PAK1: variants seen among roughly 807,000 people sequenced by gnomAD.
The protein encoded by PAK1 is p21 (RAC1) activated kinase 1, also known as serine/threonine-protein kinase PAK 1.
Under a neutral mutation model 67.4 loss-of-function variants are expected in PAK1, and 29 were observed. The observed-to-expected ratio is 0.43, with a 90% CI of 0.32 to 0.59. PAK1 has a LOEUF of 0.59. PAK1 is among the 20% of genes least tolerant of loss of function. The probability of loss-of-function intolerance (pLI) is 0.07; values close to 1 mark genes in which losing one functional copy is unlikely to be tolerated. For missense variants in PAK1, 337 were observed against 670.7 expected, an observed-to-expected ratio of 0.50 and a Z score of 5.50; for synonymous variants, 223 against 237.4, an observed-to-expected ratio of 0.94 and a Z score of 0.56.
intron 1 of PAK1, among the ~76,000 whole-genome samples, chr11:77,436,388 T>C (rs972308762): frequency 3.3e-5 from 5 of 152,222 alleles, no homozygotes; most frequent in Admixed American, 6.5e-5. Context: ...AGCAGCACTA[T>C]GTTGTACAAA....
intron 1 of PAK1, among the ~76,000 whole-genome samples, chr11:77,416,805 T>G (rs1954983404): frequency 6.6e-6 from 1 of 152,018 alleles, no homozygotes; most frequent in South Asian, 2.1e-4. Context: ...TACAAAAAAT[T>G]AGCAGGGCGT....
chr11:77,383,222 G>A (rs893865382), intron 2 of PAK1, among the ~76,000 whole-genome samples: 4 of 152,142 alleles, frequency 2.6e-5, no homozygotes, highest in South Asian at 2.1e-4. Context: ...GATTAGACGC[G>A]GAGTACAAGA....
chr11:77,388,929 T>TA (rs1480734019), intron 2 of PAK1, among the ~76,000 whole-genome samples: 2 of 152,212 alleles, frequency 1.3e-5, no homozygotes, highest in African/African-American at 4.8e-5. Context: ...TATTGAGATG[T>TA]AATTCACTTA....
At chr11:77,363,513 AC>A (rs1273263944) in intron 5 of PAK1, among the ~76,000 whole-genome samples, 1 of 152,084 alleles carries the variant, frequency 6.6e-6, no homozygotes, top group African/African-American at 2.4e-5. Flanking sequence ...TTTCCATTAA[AC>A]CTTCTGTTCC....
At chr11:77,353,701 T>C (rs1945601535) in intron 7 of PAK1, 102 bp from the exon 8 acceptor site, 9 of 859,974 alleles carry the variant, frequency 1.0e-5, no homozygotes, top group Non-Finnish European at 1.8e-5. Flanking sequence ...GTTAAAGAAC[T>C]ACCTCCAATA....
intron 1 of PAK1, among the ~76,000 whole-genome samples, chr11:77,456,496 G>T (rs1474149088): frequency 6.6e-6 from 1 of 152,084 alleles, no homozygotes; most frequent in African/African-American, 2.4e-5. Flanking sequence ...AAGCAGAGAA[G>T]GTCTTTGTTT....
At chr11:77,511,132 A>G in the PAK1 span, among the ~76,000 whole-genome samples, 1 of 152,222 alleles carries the variant, frequency 6.6e-6, no homozygotes, top group Non-Finnish European at 1.5e-5. Context: ...TAATTCACTC[A>G]GTTTCTTTAG....
At chr11:77,509,948 C>G in the PAK1 span, among the ~76,000 whole-genome samples, 12 of 152,198 alleles carry the variant, frequency 7.9e-5, no homozygotes, top group African/African-American at 2.9e-4. Context: ...TATAGCAATG[C>G]ACAAATGGCC....
chr11:77,529,115 A>T, the PAK1 span, among the ~76,000 whole-genome samples: 2 of 152,190 alleles, frequency 1.3e-5, no homozygotes, highest in African/African-American at 4.8e-5. Context: ...CCCGCAAGAC[A>T]GGTATTTTTA....
At chr11:77,404,142 C>T (rs1028267482) in intron 1 of PAK1, among the ~76,000 whole-genome samples, 1 of 152,116 alleles carries the variant, frequency 6.6e-6, no homozygotes, top group Non-Finnish European at 1.5e-5. Context: ...CCTAGTCTGT[C>T]GTATTCTATC....
At chr11:77,465,030 G>A (rs1413038365) in intron 1 of PAK1, among the ~76,000 whole-genome samples, 1 of 151,196 alleles carries the variant, frequency 6.6e-6, no homozygotes, top group Non-Finnish European at 1.5e-5. Context: ...GTGTGTCTGT[G>A]TGTGTGTGAA....
intron 11 of PAK1, 149 bp downstream of exon 11, chr11:77,340,497 C>A: frequency 3.2e-6 from 2 of 623,904 alleles, no homozygotes; most frequent in South Asian, 2.2e-5. Context: ...ATGACAAACA[C>A]AGGTACAATA....
intron 6 of PAK1, 179 bp downstream of exon 6, chr11:77,358,719 A>AT (rs1946375069): frequency 1.5e-6 from 1 of 678,940 alleles, no homozygotes; most frequent in Non-Finnish European, 2.6e-6. Flanking sequence ...TAAACACATG[A>AT]TTTTTTGTCT....
the PAK1 span, among the ~76,000 whole-genome samples, chr11:77,492,640 T>C: frequency 6.6e-6 from 1 of 151,436 alleles, no homozygotes; most frequent in Non-Finnish European, 1.5e-5. Flanking sequence ...CTCCTGGGCT[T>C]AAGGTATCCT....
chr11:77,402,451 A>G (rs772237848), intron 1 of PAK1, among the ~76,000 whole-genome samples: 9 of 152,166 alleles, frequency 5.9e-5, no homozygotes, highest in Non-Finnish European at 1.0e-4. Flanking sequence ...TCTGCCTACC[A>G]TCTTGGGAAA....
intron 5 of PAK1, among the ~76,000 whole-genome samples, chr11:77,360,983 G>C (rs1257210532): frequency 1.3e-5 from 2 of 152,062 alleles, no homozygotes; most frequent in South Asian, 2.1e-4. Context: ...ACAAAAGCCA[G>C]ACATTCCAAT....
At chr11:77,444,048 A>C (rs747490708) in intron 1 of PAK1, among the ~76,000 whole-genome samples, 11 of 152,194 alleles carry the variant, frequency 7.2e-5, no homozygotes, top group Non-Finnish European at 1.5e-4. Flanking sequence ...ACTCAAAAAG[A>C]ATTCCAGTGA....
intron 11 of PAK1, 58 bp from the exon 12 acceptor site, chr11:77,337,481 C>A (rs1414108648): frequency 3.5e-6 from 3 of 849,544 alleles, no homozygotes; most frequent in Admixed American, 2.5e-5. Context: ...ATACAGAAGA[C>A]TTAATAGAAA....
At chr11:77,393,728 C>T (rs1450339114) in intron 1 of PAK1, among the ~76,000 whole-genome samples, 1 of 152,142 alleles carries the variant, frequency 6.6e-6, no homozygotes, top group Non-Finnish European at 1.5e-5. Context: ...ATAGGACAAG[C>T]GCGGTGGCTC....
Sources: allele counts gnomAD v4.1 joint callset (sites outside exome capture counted in the v4.1 genomes callset), GRCh38; gene constraint gnomAD v4.1.1; transcripts MANE v1.5; gene names NCBI Gene and HGNC (gene_info 2026-07-23, HGNC 2026-07-21).